FARP2: variants seen among roughly 807,000 people sequenced by gnomAD.
The protein encoded by FARP2 is FERM, ARHGEF and pleckstrin domain-containing protein 2.
In FARP2, 111 loss-of-function variants were observed where a neutral mutation model predicts 130.5. The ratio of observed to expected loss-of-function variants is 0.85; its 90% CI spans 0.73 to 1.00. FARP2 has a LOEUF of 1.00. Among genes scored for constraint, FARP2 ranks in the 50% least tolerant of loss-of-function variants. FARP2 has a pLI of 0.00. For missense variants in FARP2, 1,385 were observed against 1,346.3 expected (o/e 1.03, Z -0.45); for synonymous variants, 504 against 516.9 (o/e 0.98, Z 0.34).
intron 1 of FARP2, among the ~76,000 whole-genome samples, chr2:241,364,965 T>A (rs1412126630): frequency 6.6e-6 from 1 of 152,208 alleles, no homozygotes; most frequent in Non-Finnish European, 1.5e-5. Flanking sequence ...CGGATATTAG[T>A]CTCACCCCTG....
intron 8 of FARP2, among the ~76,000 whole-genome samples, chr2:241,419,548 G>GT (rs1481263211): frequency 6.6e-6 from 1 of 152,092 alleles, no homozygotes; most frequent in Non-Finnish European, 1.5e-5. Context: ...ATTTAAATCC[G>GT]TAAGAACAAA....
chr2:241,423,187 G>T (rs1188330874), intron 8 of FARP2, among the ~76,000 whole-genome samples: 1 of 152,050 alleles, frequency 6.6e-6, no homozygotes, highest in Non-Finnish European at 1.5e-5. Flanking sequence ...TGAAATAAAA[G>T]AAAAAATATT....
intron 2 of FARP2, among the ~76,000 whole-genome samples, chr2:241,381,479 C>G (rs528116901): frequency 6.6e-6 from 1 of 152,248 alleles, no homozygotes; most frequent in Non-Finnish European, 1.5e-5. Flanking sequence ...TTCTTTCTCA[C>G]CCTCATTTCT....
chr2:241,423,921 A>G (rs936760391), intron 8 of FARP2, among the ~76,000 whole-genome samples: 1 of 152,238 alleles, frequency 6.6e-6, no homozygotes, highest in Admixed American at 6.5e-5. Flanking sequence ...TCCTAAATAT[A>G]TATGCACCCA....
chr2:241,419,134 C>T (rs2062747414), intron 8 of FARP2, among the ~76,000 whole-genome samples: 1 of 152,124 alleles, frequency 6.6e-6, no homozygotes, highest in Admixed American at 6.5e-5. Flanking sequence ...GTTTTCTTTT[C>T]CTTATTTTTC....
chr2:241,435,469 C>T (rs925579995), intron 11 of FARP2, among the ~76,000 whole-genome samples: 4 of 151,440 alleles, frequency 2.6e-5, no homozygotes, highest in African/African-American at 7.3e-5. Context: ...TGTATTTTTA[C>T]AGGAGTTCAG....
chr2:241,415,483 A>G (rs985472245), intron 7 of FARP2, among the ~76,000 whole-genome samples: 4 of 152,258 alleles, frequency 2.6e-5, no homozygotes, highest in Admixed American at 6.5e-5. Flanking sequence ...TGTGCTGCGA[A>G]CTGTCCAACC....
At chr2:241,415,075 C>T (rs538515006) in intron 7 of FARP2, among the ~76,000 whole-genome samples, 29 of 152,352 alleles carry the variant, frequency 1.9e-4, no homozygotes, top group South Asian at 4.1e-4. Flanking sequence ...ATTGTACATA[C>T]GGTCAGACCA....
At chr2:241,451,647 G>A (rs73006350) in intron 13 of FARP2, among the ~76,000 whole-genome samples, 2,124 of 152,254 alleles carry the variant, frequency 0.014, 21 homozygotes, top group Non-Finnish European at 0.024. Flanking sequence ...CGGATTTAGA[G>A]TTTATTTTTT....
At chr2:241,359,561 T>G (rs1450219895) in intron 1 of FARP2, among the ~76,000 whole-genome samples, 1 of 152,214 alleles carries the variant, frequency 6.6e-6, no homozygotes, top group East Asian at 1.9e-4. Flanking sequence ...CCTCTGCCTG[T>G]GCACACACTA....
chr2:241,406,173 T>C (rs988242215), intron 4 of FARP2, among the ~76,000 whole-genome samples: 1 of 149,844 alleles, frequency 6.7e-6, no homozygotes, highest in Non-Finnish European at 1.5e-5. Flanking sequence ...AGGGGCATGG[T>C]GGGGGGCGCC....
chr2:241,468,011 C>T (rs983376824), intron 17 of FARP2, 129 bp from the exon 18 acceptor site: 11 of 734,560 alleles, frequency 1.5e-5, no homozygotes, highest in East Asian at 4.9e-5. Context: ...CGCTGGCGCA[C>T]GCTGGGCCAC....
intron 8 of FARP2, 40 bp downstream of exon 8, chr2:241,418,149 G>T: frequency 6.2e-7 from 1 of 1,610,790 alleles, no homozygotes; most frequent in Non-Finnish European, 8.5e-7. Context: ...ACAGGGCAGG[G>T]GAGGTTTTCT....
chr2:241,455,684 T>C (rs560043924), intron 13 of FARP2, among the ~76,000 whole-genome samples: 22 of 152,014 alleles, frequency 1.4e-4, no homozygotes, highest in African/African-American at 5.1e-4. Context: ...GCCTGGCCTT[T>C]GGTGATTTTT....
chr2:241,383,919 G>A (rs1245336100), intron 2 of FARP2, among the ~76,000 whole-genome samples: 4 of 152,098 alleles, frequency 2.6e-5, no homozygotes, highest in Non-Finnish European at 4.4e-5. Context: ...GGGAAGAAGC[G>A]TTGTTGCTAT....
chr2:241,396,978 T>C (rs1403756145), intron 2 of FARP2, among the ~76,000 whole-genome samples: 1 of 152,186 alleles, frequency 6.6e-6, no homozygotes, highest in Non-Finnish European at 1.5e-5. Context: ...ATGTGGCACA[T>C]ATACAGCATG....
intron 8 of FARP2, among the ~76,000 whole-genome samples, chr2:241,427,976 C>T (rs1439089018): frequency 1.3e-5 from 2 of 152,006 alleles, no homozygotes; most frequent in Non-Finnish European, 1.5e-5. Context: ...CTGTGTTAGC[C>T]AGGATGGTCT....
At chr2:241,487,562 G>A (rs2064781343) in intron 21 of FARP2, among the ~76,000 whole-genome samples, 1 of 108,676 alleles carries the variant, frequency 9.2e-6, no homozygotes, top group African/African-American at 3.0e-5. Context: ...CAACTACTCG[G>A]GAGGCTAAGC....
At chr2:241,398,546 C>G (rs1185440627) in intron 2 of FARP2, among the ~76,000 whole-genome samples, 1 of 151,208 alleles carries the variant, frequency 6.6e-6, no homozygotes, top group African/African-American at 2.4e-5. Context: ...TTTTGAGCTC[C>G]TATGAGTAAA....
Sources: allele counts gnomAD v4.1 joint callset (sites outside exome capture counted in the v4.1 genomes callset), GRCh38; gene constraint gnomAD v4.1.1; transcripts MANE v1.5; gene names NCBI Gene and HGNC (gene_info 2026-07-23, HGNC 2026-07-21).